The following BNC2 variants were observed in gnomAD, a reference collection of about 807,000 sequenced individuals.
BNC2 encodes the protein basonuclin zinc finger protein 2.
A neutral mutation model predicts 76.3 loss-of-function variants in BNC2; 20 were observed. The ratio of observed to expected loss-of-function variants is 0.26; its 90% CI spans 0.18 to 0.38. BNC2 has a LOEUF of 0.38. Ranked by LOEUF, BNC2 falls within the 10% of genes least tolerant of loss-of-function variation. The pLI is 1.00. For synonymous variants in BNC2, 582 were observed against 514.8 expected (o/e 1.13, Z -1.77); for missense variants, 1,382 against 1,399.8 (o/e 0.99, Z 0.20).
intron 5 of BNC2, among the ~76,000 whole-genome samples, chr9:16,481,572 T>C (rs1021562502): frequency 6.6e-6 from 1 of 152,212 alleles, no homozygotes; most frequent in African/African-American, 2.4e-5. Context: ...GTCCGCGACT[T>C]CATTCTTGAA....
intron 5 of BNC2, among the ~76,000 whole-genome samples, chr9:16,506,509 TCC>T (rs1563814937): frequency 9.5e-5 from 9 of 94,836 alleles, no homozygotes; most frequent in South Asian, 5.0e-4. Context: ...TCTCTCTCTC[TCC>T]TCTTTTTTTT....
intron 3 of BNC2, among the ~76,000 whole-genome samples, chr9:16,600,742 G>A (rs1001973865): frequency 6.6e-6 from 1 of 152,058 alleles, no homozygotes; most frequent in Non-Finnish European, 1.5e-5. Flanking sequence ...GGCGGGTGGC[G>A]AGAGTCTTCT....
chr9:16,677,578 A>ACACACACACACACACACACACACAC (rs61063092), intron 3 of BNC2, among the ~76,000 whole-genome samples: 6 of 139,256 alleles, frequency 4.3e-5, no homozygotes, highest in African/African-American at 1.4e-4. Flanking sequence ...GTCTCAAACA[A>ACACACACACACACACACACACACAC]ACACACACAC....
At chr9:16,815,664 C>G (rs983242503) in intron 1 of BNC2, among the ~76,000 whole-genome samples, 1 of 152,238 alleles carries the variant, frequency 6.6e-6, no homozygotes, top group Admixed American at 6.5e-5. Flanking sequence ...GAGGTTATTT[C>G]CCCCTTTCTT....
chr9:16,635,753 G>T (rs1001062314), intron 3 of BNC2, among the ~76,000 whole-genome samples: 2 of 152,176 alleles, frequency 1.3e-5, no homozygotes, highest in African/African-American at 4.8e-5. Flanking sequence ...AAACTCAACA[G>T]ATAAGCTACA....
At chr9:16,727,714 A>C in intron 3 of BNC2, 83 bp downstream of exon 3, 2 of 1,223,426 alleles carry the variant, frequency 1.6e-6, no homozygotes, top group Non-Finnish European at 2.3e-6. Context: ...TTAGAAAGAA[A>C]AACACCAGAA....
chr9:16,418,915 C>A lies in BNC2; in HGVS notation c.*74G>T. On this transcript the variant is annotated 3_prime_UTR_variant, in exon 7 of 7. Transcript: ENST00000380672. The stretch of plus-strand genomic sequence containing the variant: ...CACACACACACCCCAAGTACATAAG[C>A]GCACACTGACTATGGCAGTTCAAAC... 1 of 1,461,854 alleles carries A rather than the reference C, an allele frequency of 6.8e-7. No homozygotes were observed. Among genetic ancestry groups the A allele is most frequent in the Middle Eastern group, 1.8e-4 (1 of 5,692 alleles). 90.6% of individuals were successfully genotyped at this position (1,461,854 alleles called of 1,614,324 possible).
chr9:16,796,270 A>T (rs1445798765), intron 1 of BNC2, among the ~76,000 whole-genome samples: 1 of 152,248 alleles, frequency 6.6e-6, no homozygotes, highest in Admixed American at 6.5e-5. Flanking sequence ...TAGCATAAGT[A>T]TAATCCCATA....
chr9:16,711,999 G>C (rs1486584657), intron 3 of BNC2, among the ~76,000 whole-genome samples: 1 of 152,154 alleles, frequency 6.6e-6, no homozygotes, highest in African/African-American at 2.4e-5. Flanking sequence ...AAAATACATG[G>C]ATAAGTGAAA....
intron 1 of BNC2, among the ~76,000 whole-genome samples, chr9:16,741,540 G>A (rs368929282): frequency 5.3e-5 from 8 of 152,172 alleles, no homozygotes; most frequent in Middle Eastern, 3.2e-3. Context: ...CCACAAAAGC[G>A]TGAGAAATAA....
At chr9:16,581,992 T>C (rs891500067) in intron 4 of BNC2, among the ~76,000 whole-genome samples, 4 of 152,194 alleles carry the variant, frequency 2.6e-5, no homozygotes, top group Non-Finnish European at 5.9e-5. Context: ...AGGTACATGA[T>C]AAATTAAAAG....
intron 1 of BNC2, among the ~76,000 whole-genome samples, chr9:16,738,809 C>T (rs1435591655): frequency 6.7e-6 from 1 of 148,982 alleles, no homozygotes; most frequent in Non-Finnish European, 1.5e-5. Flanking sequence ...TACTAATCAC[C>T]CCCACCCCCA....
chr9:16,665,059 A>G, intron 3 of BNC2: 1 of 456,322 alleles, frequency 2.2e-6, no homozygotes, highest in Non-Finnish European at 4.4e-6. Context: ...TAAATTAAGG[A>G]AGTACCTTAG....
rs373804355 is a variant in BNC2 at position 16,849,515 on chromosome 9, C to T, written c.3+21131G>A. Among the ~76,000 whole-genome samples the T allele has an allele frequency of 3.3e-5, 5 of 151,976 alleles. No individual in the cohort carries two copies. The East Asian group carries it at 5.8e-4, about 18-fold the overall frequency. On this transcript the variant is annotated intron_variant, in intron 1 of 6. Transcript: ENST00000380672. ...CTGAGATTACAGGCGCATGCCACCA[C>T]GCCCGACTAATTTTTGTATTTTTAG...
chr9:16,843,929 C>A (rs1337398945), intron 1 of BNC2, among the ~76,000 whole-genome samples: 2 of 152,104 alleles, frequency 1.3e-5, no homozygotes, highest in African/African-American at 2.4e-5. Flanking sequence ...TGTGAAATAT[C>A]TGTTTTTATC....
chr9:16,612,131 T>C (rs1563862995), intron 3 of BNC2, among the ~76,000 whole-genome samples: 1 of 151,502 alleles, frequency 6.6e-6, no homozygotes, highest in Non-Finnish European at 1.5e-5. Flanking sequence ...AACAAAGTGT[T>C]ATATGCAATA....
At chr9:16,851,419 T>A (rs1008992620) in intron 1 of BNC2, among the ~76,000 whole-genome samples, 5 of 152,012 alleles carry the variant, frequency 3.3e-5, no homozygotes, top group African/African-American at 1.2e-4. Flanking sequence ...GGCAGTAGGA[T>A]TGCTGGAGCC....
rs375321566 is a variant in BNC2, at chr9:16,426,522, C to T, written c.2640-6873G>A. 4.5e-4 allele frequency among the ~76,000 whole-genome samples: 69 copies of T among 152,170 alleles called. 1 individual carries two copies. In the South Asian group the frequency reaches 5.4e-3, roughly 12 times the overall value. On this transcript the variant is annotated intron_variant, in intron 6 of 6. Transcript: ENST00000380672. ...TAACAGTCAGGATGCATGAGTTCCCCAAGGGAGGTGACACTATTTTGTAGG... is the reference window on the plus strand; with the variant it reads ...TAACAGTCAGGATGCATGAGTTCCCTAAGGGAGGTGACACTATTTTGTAGG...
At chr9:16,738,187 G>A (rs1023140473) in intron 2 of BNC2, among the ~76,000 whole-genome samples, 173 bp downstream of exon 2, 1 of 152,088 alleles carries the variant, frequency 6.6e-6, no homozygotes, top group Admixed American at 6.6e-5. Context: ...TTTCTTCAGA[G>A]GCAAGAAGTG....
Sources: gnomAD v4.1 joint callset for allele counts (sites outside exome capture counted in the v4.1 genomes callset) on GRCh38, gnomAD v4.1.1 for gene constraint, MANE v1.5 for transcripts, NCBI Gene and HGNC (gene_info 2026-07-23, HGNC 2026-07-21) for gene names.